The following GMDS variants were observed in gnomAD, a reference collection of about 807,000 sequenced individuals.
GMDS encodes GDP-mannose 4,6-dehydratase.
Under a neutral mutation model 49.9 loss-of-function variants are expected in GMDS, and 20 were observed. The ratio of observed to expected loss-of-function variants is 0.40; its 90% confidence interval spans 0.28 to 0.58. GMDS has a LOEUF of 0.58. Ranked by LOEUF, GMDS falls within the 20% of genes least tolerant of loss-of-function variation. The pLI, the probability that GMDS is intolerant of heterozygous loss-of-function variation, is 0.42. For synonymous variants in GMDS, 177 were observed against 178.6 expected (o/e 0.99, Z 0.07); for missense variants, 362 against 481.4 (o/e 0.75, Z 2.32).
At chr6:2,097,673 G>A (rs538236652) in intron 4 of GMDS, among the ~76,000 whole-genome samples, 1 of 151,368 alleles carries the variant, frequency 6.6e-6, no homozygotes, top group South Asian at 2.1e-4. Context: ...AAGCAAGGGA[G>A]AGGCCACGGG....
At chr6:2,076,297 G>A (rs1192728731) in intron 4 of GMDS, among the ~76,000 whole-genome samples, 3 of 152,216 alleles carry the variant, frequency 2.0e-5, no homozygotes, top group African/African-American at 4.8e-5. Context: ...ATGCTCATGG[G>A]TAGGAAGAAT....
chr6:2,140,967 A>G (rs762618203), intron 1 of GMDS, among the ~76,000 whole-genome samples: 10 of 152,202 alleles, frequency 6.6e-5, no homozygotes, highest in Admixed American at 2.0e-4. Context: ...TGCTCCTGTC[A>G]TGAGGGATGC....
At position 2,190,446 on chromosome 6, in the gene GMDS, A is replaced by G. The variant is rs1778962000; in HGVS notation, c.102+54875T>C. 3.9e-5 allele frequency among the ~76,000 whole-genome samples: 6 copies of G among 152,208 alleles called. 1 individual carries two copies. Among genetic ancestry groups the G allele is most frequent in the Admixed American group, 3.9e-4 (6 of 15,282 alleles). On this transcript the variant is annotated intron_variant, in intron 1 of 10. Coordinates refer to ENST00000380815, the MANE Select transcript of GMDS (RefSeq NM_001500.4). ...TCATGATCCTCACTTCTACAGATAA[A>G]AACACCAAGGCTCAGACAAGTCATG...
chr6:1,894,555 G>T (rs959952646), intron 7 of GMDS, among the ~76,000 whole-genome samples: 1 of 152,142 alleles, frequency 6.6e-6, no homozygotes, highest in African/African-American at 2.4e-5. Flanking sequence ...TTCAAAGTGA[G>T]AGCACCCGTT....
intron 7 of GMDS, among the ~76,000 whole-genome samples, chr6:1,817,231 T>C (rs76460834): frequency 6.6e-6 from 1 of 152,012 alleles, no homozygotes; most frequent in East Asian, 1.9e-4. Flanking sequence ...CTTGGCAAGG[T>C]TGAAAAACAG....
intron 4 of GMDS, among the ~76,000 whole-genome samples, chr6:1,961,987 GA>G (rs983461814): frequency 2.6e-5 from 4 of 151,922 alleles, no homozygotes; most frequent in African/African-American, 4.8e-5. Context: ...GAAATCAAAA[GA>G]AAAAAAGTAT....
At chr6:1,673,771 A>G (rs916494732) in intron 9 of GMDS, among the ~76,000 whole-genome samples, 1 of 152,074 alleles carries the variant, frequency 6.6e-6, no homozygotes, top group Non-Finnish European at 1.5e-5. Context: ...CCAGAATGTC[A>G]TATAGCTGGA....
At chr6:1,935,624 C>G (rs543669836) in intron 6 of GMDS, among the ~76,000 whole-genome samples, 3 of 152,030 alleles carry the variant, frequency 2.0e-5, no homozygotes, top group Non-Finnish European at 4.4e-5. Context: ...ACACAGGAAG[C>G]AATAATAAAC....
At chr6:1,956,817 C>CT (rs201065361) in intron 6 of GMDS, among the ~76,000 whole-genome samples, 150 of 146,868 alleles carry the variant, frequency 1.0e-3, no homozygotes, top group South Asian at 2.4e-3. Flanking sequence ...CATTTATTAG[C>CT]TTTTTTTTTT....
chr6:2,181,326 G>C (rs1400144219), intron 1 of GMDS, among the ~76,000 whole-genome samples: 1 of 152,070 alleles, frequency 6.6e-6, no homozygotes, highest in Non-Finnish European at 1.5e-5. Context: ...CTGCTCGACA[G>C]ATGGCATCTG....
At chr6:2,060,922 A>G (rs1771112166) in intron 4 of GMDS, among the ~76,000 whole-genome samples, 2 of 152,040 alleles carry the variant, frequency 1.3e-5, no homozygotes, top group African/African-American at 2.4e-5. Context: ...TGGGAGGCTG[A>G]GGCAGGAGAA....
chr6:2,190,687 A>T (rs1329940915), intron 1 of GMDS, among the ~76,000 whole-genome samples: 1 of 152,136 alleles, frequency 6.6e-6, no homozygotes, highest in African/African-American at 2.4e-5. Context: ...TGGGGAAGGA[A>T]ACCAGTGGCA....
rs1773272496 is a variant in GMDS, at chr6:2,090,752, G to A, written c.345+25019C>T. 4.6e-5 allele frequency among the ~76,000 whole-genome samples: 7 copies of A among 152,250 alleles called. No homozygotes were observed. The South Asian group carries it at 1.5e-3, about 32-fold the overall frequency. ...ATTAAATAATTTGAACGACTCTTCTGCAACTGAAGTGGAATATATGCTTTA... is the reference window on the plus strand; with the variant it reads ...ATTAAATAATTTGAACGACTCTTCTACAACTGAAGTGGAATATATGCTTTA... On this transcript the variant is annotated intron_variant, in intron 4 of 10. Coordinates refer to ENST00000380815, the MANE Select transcript of GMDS (RefSeq NM_001500.4).
chr6:2,065,544 A>T (rs1581598417), intron 4 of GMDS, among the ~76,000 whole-genome samples: 1 of 152,264 alleles, frequency 6.6e-6, no homozygotes, highest in Middle Eastern at 3.4e-3. Flanking sequence ...AGAATGTATA[A>T]CTAGAATAAA....
chr6:1,897,623 A>G (rs755375537), intron 7 of GMDS, among the ~76,000 whole-genome samples: 4 of 152,204 alleles, frequency 2.6e-5, no homozygotes, highest in Admixed American at 2.6e-4. Flanking sequence ...AGTGGCCAAG[A>G]ATGTTCTTTA....
At position 2,067,937 on chromosome 6, in the gene GMDS, C is replaced by T. The variant is rs539667176; in HGVS notation, c.345+47834G>A. Among the ~76,000 whole-genome samples, 8 of 151,702 alleles carry T rather than the reference C, an allele frequency of 5.3e-5. No individual in the cohort carries two copies. In the South Asian group the frequency reaches 1.7e-3, roughly 32 times the overall value. On this transcript the variant is annotated intron_variant, in intron 4 of 10. Transcript: ENST00000380815. ...TTATGAGGCCAGCATCATCCTGATA[C>T]CAAAGCCGGGCAGAGACACAACAAA...
At chr6:2,002,245 C>T (rs572814884) in intron 4 of GMDS, among the ~76,000 whole-genome samples, 1 of 152,260 alleles carries the variant, frequency 6.6e-6, no homozygotes, top group South Asian at 2.1e-4. Context: ...GCATGTCAGA[C>T]GGTAGTGGCG....
At chr6:2,166,172 G>T (rs1777661105) in intron 1 of GMDS, among the ~76,000 whole-genome samples, 1 of 152,170 alleles carries the variant, frequency 6.6e-6, no homozygotes. Context: ...ACTGAAGACG[G>T]TCCCCATGCA....
chr6:1,863,486 G>T (rs1273635962), intron 7 of GMDS, among the ~76,000 whole-genome samples: 1 of 152,130 alleles, frequency 6.6e-6, no homozygotes, highest in Non-Finnish European at 1.5e-5. Context: ...AATATTGTGT[G>T]TGTGCGTGCA....
Sources: gnomAD v4.1 joint callset for allele counts (sites outside exome capture counted in the v4.1 genomes callset) on GRCh38, gnomAD v4.1.1 for gene constraint, MANE v1.5 for transcripts, NCBI Gene and HGNC (gene_info 2026-07-23, HGNC 2026-07-21) for gene names.